The following ARHGAP35 variants were observed in gnomAD, a reference collection of about 807,000 sequenced individuals.
The protein encoded by ARHGAP35 is Rho GTPase activating protein 35, also known as rho GTPase-activating protein 35.
ARHGAP35 carries 15 observed loss-of-function variants against 111.1 expected under a neutral mutation model. The ratio of observed to expected loss-of-function variants is 0.13; its 90% CI spans 0.09 to 0.21. The LOEUF (loss-of-function observed/expected upper bound fraction) is 0.21. ARHGAP35 is among the 10% of genes least tolerant of loss of function. The pLI is 1.00. For synonymous variants in ARHGAP35, 643 were observed against 710.3 expected (o/e 0.91, Z 1.51); for missense variants, 1,262 against 1,873.0 (o/e 0.67, Z 6.02).
At position 46,994,792 on chromosome 19, in the gene ARHGAP35, G is replaced by A. The variant is rs950277012; in HGVS notation, c.4037-4512G>A. Among the ~76,000 whole-genome samples, 5 of 152,156 alleles carry A rather than the reference G, an allele frequency of 3.3e-5. No homozygotes were observed. Among genetic ancestry groups the A allele is most frequent in the African/African-American group, 1.2e-4 (5 of 41,448 alleles). The stretch of plus-strand genomic sequence containing the variant: ...AGTACCCAGGCAGGAGCGGGTCCCC[G>A]TAAATATCTGCTCCTCCCACCCACT... On this transcript the variant is annotated intron_variant, in intron 5 of 6. Coordinates refer to ENST00000672722, the MANE Select transcript of ARHGAP35 (RefSeq NM_004491.5). This position sits in a 1 kb window ranked among gnomAD's most constrained non-coding sequence, Gnocchi z 5.4.
At chr19:46,912,276 T>A (rs2122182990) in intron 1 of ARHGAP35, among the ~76,000 whole-genome samples, 1 of 152,108 alleles carries the variant, frequency 6.6e-6, no homozygotes, top group East Asian at 1.9e-4. Context: ...ACTCCTGACC[T>A]CAGGTGATCC....
At position 47,001,752 on chromosome 19, in the gene ARHGAP35, G is replaced by A. The variant is rs1292509528; in HGVS notation, c.*1064G>A. ...GTGGGGTGGGGGTGTGTGTGCACAT[G>A]TGAGTGTGAGTGTGTGTGGGCGCTT... On this transcript the variant is annotated 3_prime_UTR_variant, in exon 7 of 7. Coordinates refer to ENST00000672722, the MANE Select transcript of ARHGAP35 (RefSeq NM_004491.5). The surrounding 1 kb of genome is among the most constrained non-coding windows in gnomAD (Gnocchi z 5.4). 7.4e-6 allele frequency: 2 copies of A among 271,008 alleles called. No homozygotes were observed. The highest frequency in any genetic ancestry group is 1.5e-5 in the Non-Finnish European group (2 of 137,824). The allele number at this position is 271,008 out of a possible 1,614,324, so 16.8% of individuals were successfully genotyped here. A position where few individuals can be genotyped will look rare whatever the true frequency, so the allele number is the denominator to read the frequency against.
chr19:46,878,715 A>G (rs1485680095), intron 1 of ARHGAP35, among the ~76,000 whole-genome samples: 1 of 152,170 alleles, frequency 6.6e-6, no homozygotes, highest in East Asian at 1.9e-4. Flanking sequence ...GTCACAGCTC[A>G]CTGCAACCTC....
intron 3 of ARHGAP35, among the ~76,000 whole-genome samples, chr19:46,983,709 G>A (rs1293095266): frequency 3.4e-5 from 5 of 149,136 alleles, no homozygotes; most frequent in African/African-American, 1.2e-4. Context: ...CGCCTCCCAG[G>A]TTCACGCCAT....
At chr19:46,972,020 T>C (rs1287262647) in intron 3 of ARHGAP35, among the ~76,000 whole-genome samples, 1 of 152,192 alleles carries the variant, frequency 6.6e-6, no homozygotes, top group Admixed American at 6.5e-5. Context: ...TTTGTTTGTT[T>C]GTTTTTTGAG....
chr19:46,890,478 T>TA (rs750566691), intron 1 of ARHGAP35, among the ~76,000 whole-genome samples: 2 of 152,234 alleles, frequency 1.3e-5, no homozygotes, highest in Non-Finnish European at 2.9e-5. Flanking sequence ...CTTTTAGTGA[T>TA]ACACATGTAA....
chr19:46,929,348 G>A (rs764311282), intron 2 of ARHGAP35, among the ~76,000 whole-genome samples: 27 of 152,094 alleles, frequency 1.8e-4, no homozygotes, highest in African/African-American at 2.7e-4. Context: ...AGAAAGGCAC[G>A]ATGTTGAATA....
intron 1 of ARHGAP35, among the ~76,000 whole-genome samples, chr19:46,877,428 T>G (rs2055930930): frequency 6.6e-6 from 1 of 151,346 alleles, no homozygotes; most frequent in Non-Finnish European, 1.5e-5. Context: ...CCGGGCGTGG[T>G]GGTGGGCACC....
rs1222168667 is a variant in ARHGAP35, at chr19:46,919,302, C to T, written c.627C>T (p.Tyr209=). The part of the protein sequence containing the change: ...LTKCDEGVER[Y]IRDAHTFALS... ...AGTGTGACGAAGGTGTTGAGCGGTA[C>T]ATTAGAGATGCACATACTTTTGCCT... Residue 209 remains tyrosine, a synonymous_variant, in exon 2 of 7, where the codon TAC becomes TAT. Transcript: ENST00000672722. This position sits in a 1 kb window ranked among gnomAD's most constrained non-coding sequence, Gnocchi z 6.2. The T allele has an allele frequency of 3.7e-6, 6 of 1,613,846 alleles. No homozygotes were observed. Among genetic ancestry groups the T allele is most frequent in the Non-Finnish European group, 8.5e-7 (1 of 1,179,894 alleles).
chr19:46,932,317 G>A (rs2056277540), intron 2 of ARHGAP35, among the ~76,000 whole-genome samples: 1 of 152,174 alleles, frequency 6.6e-6, no homozygotes, highest in Non-Finnish European at 1.5e-5. Context: ...AGGCACACAT[G>A]TGGAGATTGT....
intron 1 of ARHGAP35, among the ~76,000 whole-genome samples, chr19:46,904,676 C>T (rs1345354866): frequency 6.6e-6 from 1 of 152,152 alleles, no homozygotes; most frequent in Non-Finnish European, 1.5e-5. Flanking sequence ...TGGAGTTGGC[C>T]TTTACATGGG....
chr19:46,960,248 G>A (rs1247810233), intron 3 of ARHGAP35, among the ~76,000 whole-genome samples: 1 of 152,144 alleles, frequency 6.6e-6, no homozygotes, highest in Non-Finnish European at 1.5e-5. Context: ...ATTTCAGTCA[G>A]ATCTGTCATT....
rs567291069 is a variant in ARHGAP35 at position 47,004,852 on chromosome 19, A to T, written c.*4164A>T. The T allele has an allele frequency of 1.8e-4, 27 of 152,258 alleles. No homozygotes were observed. The highest frequency in any genetic ancestry group is 6.3e-4 in the African/African-American group (26 of 41,560). The allele number at this position is 152,258 out of a possible 1,614,324, so 9.4% of individuals were successfully genotyped here. ...TTGCTTAATTTCCAGACTTTTTTTT[A>T]AAAACACATCGTGGGTTTTTTGAGG... On this transcript the variant is annotated 3_prime_UTR_variant, in exon 7 of 7. Coordinates refer to ENST00000672722, the MANE Select transcript of ARHGAP35 (RefSeq NM_004491.5).
At chr19:46,966,129 T>C (rs1218586186) in intron 3 of ARHGAP35, among the ~76,000 whole-genome samples, 2 of 152,232 alleles carry the variant, frequency 1.3e-5, no homozygotes, top group African/African-American at 2.4e-5. Flanking sequence ...ATATTTTCTA[T>C]TGGATCTTTT....
rs1221753325 is a variant in ARHGAP35, at chr19:46,921,755, G to A, written c.3080G>A (p.Ser1027Asn). 3.1e-6 allele frequency: 5 copies of A among 1,613,998 alleles called. No individual in the cohort carries two copies. In the South Asian group the frequency reaches 5.5e-5, roughly 18 times the overall value. ...AATGATGGGCTGTCTTTCATTATGA[G>A]CAATTTTGAGAGTAAACTGAACAAC... ...EGNDGLSFIM[S>N]NFESKLNNKV... Residue 1027 changes from serine (S) to asparagine (N), a missense_variant, in exon 2 of 7, where the codon AGC (serine) becomes AAC (asparagine). Physicochemically the swap from Ser to Asn is conservative, Grantham distance 46. This residue lies in a region of ARHGAP35 where 579 missense variants were observed against 716.9 expected (regional missense o/e 0.81). Coordinates refer to ENST00000672722, the MANE Select transcript of ARHGAP35 (RefSeq NM_004491.5). The surrounding 1 kb of genome is among the most constrained non-coding windows in gnomAD (Gnocchi z 4.3).
In ARHGAP35 at chr19:46,877,652, A is replaced by T. The variant is rs1356132423; in HGVS notation, c.-189+16443A>T. ...AAGTGTGCAGTATCATTATGTCTTT[A>T]AAAAAGTATATACCTTAATTTAAAA... On this transcript the variant is annotated intron_variant, in intron 1 of 6. Coordinates refer to ENST00000672722, the MANE Select transcript of ARHGAP35 (RefSeq NM_004491.5). 6.6e-5 allele frequency among the ~76,000 whole-genome samples: 10 copies of T among 152,178 alleles called. No homozygotes were observed. In the East Asian group the frequency reaches 1.7e-3, roughly 26 times the overall value.
intron 3 of ARHGAP35, among the ~76,000 whole-genome samples, chr19:46,958,343 C>T (rs1599846622): frequency 6.6e-6 from 1 of 151,198 alleles, no homozygotes; most frequent in South Asian, 2.1e-4. Context: ...CGAGATCGCA[C>T]CACTGCACTC....
chr19:46,980,869 A>T (rs1012899520), intron 3 of ARHGAP35, among the ~76,000 whole-genome samples: 5 of 152,198 alleles, frequency 3.3e-5, no homozygotes, highest in African/African-American at 1.2e-4. Context: ...CTCAGCACTA[A>T]GTGCTAAGAT....
chr19:46,936,820 G>A (rs996661720), intron 2 of ARHGAP35, among the ~76,000 whole-genome samples: 1 of 151,024 alleles, frequency 6.6e-6, no homozygotes, highest in Non-Finnish European at 1.5e-5. Context: ...TGAGCCAAGC[G>A]AATCTTTTTA....
Sources: allele counts gnomAD v4.1 joint callset (sites outside exome capture counted in the v4.1 genomes callset), GRCh38; gene constraint gnomAD v4.1.1; regional missense constraint gnomAD v4.1.1; non-coding constraint Gnocchi (gnomAD v3.1); transcripts MANE v1.5; gene names NCBI Gene and HGNC (gene_info 2026-07-23, HGNC 2026-07-21).